The following CLRN1 variants were observed in gnomAD, a reference collection of about 807,000 sequenced individuals.
CLRN1 encodes the protein clarin-1.
Under a neutral mutation model 18.7 loss-of-function variants are expected in CLRN1, and 15 were observed. That is an observed-to-expected ratio of 0.80 (90% CI 0.54 to 1.23). CLRN1 has a LOEUF of 1.23. Among genes scored for constraint, CLRN1 ranks in the 50% most tolerant of loss-of-function variants. The pLI is 0.00. For synonymous variants in CLRN1, 104 were observed against 102.9 expected (o/e 1.01, Z -0.07); for missense variants, 311 against 277.5 (o/e 1.12, Z -0.86).
At chr3:150,942,695 T>C (rs1470825885) in intron 1 of CLRN1, 1 of 382,716 alleles carries the variant, frequency 2.6e-6, no homozygotes, top group Non-Finnish European at 5.3e-6. Flanking sequence ...CGTGATAGCT[T>C]ATCTCCAAAA....
At chr3:150,959,367 G>A (rs1483034873) in intron 1 of CLRN1, among the ~76,000 whole-genome samples, 3 of 152,082 alleles carry the variant, frequency 2.0e-5, no homozygotes, top group Non-Finnish European at 2.9e-5. Context: ...GGTGGCTCAC[G>A]CTTGTAATCT....
chr3:150,955,913 A>C (rs1319779770), intron 1 of CLRN1, among the ~76,000 whole-genome samples: 1 of 152,028 alleles, frequency 6.6e-6, no homozygotes, highest in Admixed American at 6.6e-5. Context: ...TAAAAAGCAA[A>C]ATTTTTCTTT....
Position 150,941,569 on chromosome 3 carries a change from A to AT in CLRN1, c.433+12dup. On this transcript the variant is annotated intron_variant, in intron 2 of 2. Transcript: ENST00000327047. ...AAGCACATTTGTCTTCAGAGGTAGA[A>AT]TTTTGTACTTACCTGAAATGAAGCT... 1 of 1,613,614 alleles carries AT rather than the reference A, an allele frequency of 6.2e-7. No individual in the cohort carries two copies. Among genetic ancestry groups the AT allele is most frequent in the Non-Finnish European group, 8.5e-7 (1 of 1,179,572 alleles).
intron 1 of CLRN1, among the ~76,000 whole-genome samples, chr3:150,954,221 C>T (rs1310968154): frequency 1.3e-5 from 2 of 152,186 alleles, no homozygotes; most frequent in African/African-American, 4.8e-5. Flanking sequence ...GAGTGTTTTC[C>T]AAAGTGGCTG....
At chr3:150,970,429 T>C (rs1341806679) in intron 1 of CLRN1, among the ~76,000 whole-genome samples, 1 of 152,084 alleles carries the variant, frequency 6.6e-6, no homozygotes, top group African/African-American at 2.4e-5. Context: ...ATGAATATTA[T>C]CCTCTTTGGG....
chr3:150,937,256 G>A (rs1713546751), intron 2 of CLRN1, among the ~76,000 whole-genome samples: 2 of 152,086 alleles, frequency 1.3e-5, no homozygotes, highest in Non-Finnish European at 2.9e-5. Flanking sequence ...TCTCCCACTA[G>A]ACAACAAGCT....
intron 2 of CLRN1, among the ~76,000 whole-genome samples, chr3:150,932,492 A>C (rs1001693536): frequency 5.3e-5 from 8 of 152,224 alleles, no homozygotes; most frequent in Admixed American, 1.3e-4. Flanking sequence ...ATTTAAAGTA[A>C]TGATCAGCAT....
At chr3:150,930,547 A>G (rs1223484354) in intron 2 of CLRN1, among the ~76,000 whole-genome samples, 3 of 152,106 alleles carry the variant, frequency 2.0e-5, no homozygotes, top group African/African-American at 2.4e-5. Flanking sequence ...TTGTCAGCCT[A>G]TTTTTGTATT....
intron 2 of CLRN1, among the ~76,000 whole-genome samples, chr3:150,936,285 T>C (rs1167170304): frequency 6.6e-6 from 1 of 152,234 alleles, no homozygotes; most frequent in African/African-American, 2.4e-5. Context: ...ATAATATCTA[T>C]ATCCGAATAA....
intron 1 of CLRN1, among the ~76,000 whole-genome samples, chr3:150,960,361 G>T (rs1385376836): frequency 6.6e-6 from 1 of 152,178 alleles, no homozygotes. Context: ...CTGAGGGTGG[G>T]TAAGAGGGAT....
chr3:150,955,188 G>A (rs933369397), intron 1 of CLRN1, among the ~76,000 whole-genome samples: 1 of 152,336 alleles, frequency 6.6e-6, no homozygotes. Flanking sequence ...CCTGGAAAAA[G>A]CAAAATGATA....
At chr3:150,968,113 T>C (rs932868590) in intron 1 of CLRN1, among the ~76,000 whole-genome samples, 10 of 152,202 alleles carry the variant, frequency 6.6e-5, no homozygotes, top group African/African-American at 2.4e-4. Flanking sequence ...CCATATGTTT[T>C]TGCCAGCTCA....
chr3:150,937,350 C>G (rs1267897801), intron 2 of CLRN1, among the ~76,000 whole-genome samples: 1 of 152,120 alleles, frequency 6.6e-6, no homozygotes, highest in Non-Finnish European at 1.5e-5. Flanking sequence ...GGCACTCAGT[C>G]AATGTTTGAC....
chr3:150,929,377 C>T lies in CLRN1; in HGVS notation c.434-1176G>A, dbSNP rs1331547363. Among the ~76,000 whole-genome samples, 6 of 152,252 alleles carry T rather than the reference C, an allele frequency of 3.9e-5. No individual in the cohort carries two copies. The East Asian group carries it at 9.7e-4, about 25-fold the overall frequency. On this transcript the variant is annotated intron_variant, in intron 2 of 2. Transcript: ENST00000327047. ...ACCAGATCAGGAGCACATAGGATGGCCAGGACTCTACAGCGCTTCCACAGC... is the reference window on the plus strand; with the variant it reads ...ACCAGATCAGGAGCACATAGGATGGTCAGGACTCTACAGCGCTTCCACAGC...
At chr3:150,928,577 A>G (rs1037295058) in intron 2 of CLRN1, among the ~76,000 whole-genome samples, 1 of 152,268 alleles carries the variant, frequency 6.6e-6, no homozygotes, top group African/African-American at 2.4e-5. Flanking sequence ...AGCCACTGCT[A>G]TGATGTGGCT....
intron 1 of CLRN1, among the ~76,000 whole-genome samples, chr3:150,964,034 A>G (rs1160127726): frequency 1.3e-5 from 2 of 152,364 alleles, no homozygotes; most frequent in Admixed American, 1.3e-4. Context: ...CACCAAAAGC[A>G]ATGGCAACAA....
At chr3:150,931,886 A>T (rs1476924801) in intron 2 of CLRN1, among the ~76,000 whole-genome samples, 2 of 152,176 alleles carry the variant, frequency 1.3e-5, no homozygotes, top group Admixed American at 6.5e-5. Flanking sequence ...GGTTAGAATA[A>T]GCCAGGACTG....
intron 1 of CLRN1, among the ~76,000 whole-genome samples, chr3:150,958,005 C>T (rs1454585787): frequency 6.6e-6 from 1 of 152,172 alleles, no homozygotes; most frequent in African/African-American, 2.4e-5. Context: ...GAAATCTCAT[C>T]TTCAGTTATG....
chr3:150,939,084 C>T (rs1261687333), intron 2 of CLRN1, among the ~76,000 whole-genome samples: 1 of 152,222 alleles, frequency 6.6e-6, no homozygotes, highest in African/African-American at 2.4e-5. Flanking sequence ...CTCACCTTCA[C>T]TCCAGCTTTG....
Sources: allele counts gnomAD v4.1 joint callset (sites outside exome capture counted in the v4.1 genomes callset), GRCh38; gene constraint gnomAD v4.1.1; transcripts MANE v1.5; gene names NCBI Gene and HGNC (gene_info 2026-07-23, HGNC 2026-07-21).